The following WASF3 variants were observed in gnomAD, a reference collection of about 807,000 sequenced individuals.
The protein encoded by WASF3 is WASP family member 3, also known as actin-binding protein WASF3.
A neutral mutation model predicts 46.6 loss-of-function variants in WASF3; 11 were observed. That is an observed-to-expected ratio of 0.24 (90% CI 0.15 to 0.39). The LOEUF is 0.39. Ranked by LOEUF, WASF3 falls within the 10% of genes least tolerant of loss-of-function variation. The probability of loss-of-function intolerance (pLI) is 1.00; values close to 1 mark genes in which losing one functional copy is unlikely to be tolerated. For synonymous variants in WASF3, 242 were observed against 259.7 expected (o/e 0.93, Z 0.65); for missense variants, 576 against 669.8 (o/e 0.86, Z 1.55).
chr13:26,576,617 C>T (rs1021628393), intron 1 of WASF3, among the ~76,000 whole-genome samples: 2 of 152,046 alleles, frequency 1.3e-5, no homozygotes, highest in Non-Finnish European at 2.9e-5. Flanking sequence ...TACTTACTAT[C>T]TCAAAAAAGG....
chr13:26,585,731 C>T (rs1032517684), intron 1 of WASF3, among the ~76,000 whole-genome samples: 1 of 152,124 alleles, frequency 6.6e-6, no homozygotes, highest in Non-Finnish European at 1.5e-5. Context: ...CCTAGAAAAA[C>T]CATATAATGG....
At chr13:26,547,099 T>G in the WASF3 span, among the ~76,000 whole-genome samples, 2 of 146,852 alleles carry the variant, frequency 1.4e-5, no homozygotes, top group South Asian at 2.1e-4. Flanking sequence ...TGGTGGTTGG[T>G]TTTTTTTTTT....
At chr13:26,558,109 C>A (rs1440815412) in intron 1 of WASF3, among the ~76,000 whole-genome samples, 1 of 151,876 alleles carries the variant, frequency 6.6e-6, no homozygotes, top group African/African-American at 2.4e-5. Context: ...GGCCTCCGGC[C>A]CTTTGCCGTC....
At chr13:26,647,747 AT>A (rs1882192501) in intron 3 of WASF3, among the ~76,000 whole-genome samples, 1 of 152,126 alleles carries the variant, frequency 6.6e-6, no homozygotes, top group African/African-American at 2.4e-5. Flanking sequence ...GGAGTTAGAA[AT>A]TTAGTGAGCC....
chr13:26,638,242 G>A (rs998775664), intron 2 of WASF3: 1 of 152,178 alleles, frequency 6.6e-6, no homozygotes, highest in Non-Finnish European at 1.5e-5. Flanking sequence ...CATAGTTGAA[G>A]ACAGCAGCCA....
chr13:26,664,926 A>G, intron 3 of WASF3, 102 bp from the exon 4 acceptor site: 2 of 1,276,282 alleles, frequency 1.6e-6, no homozygotes, highest in Non-Finnish European at 2.2e-6. Flanking sequence ...TCGTTTGCAC[A>G]AAATCCCACA....
At chr13:26,684,009 A>G (rs1290872825) in intron 9 of WASF3, among the ~76,000 whole-genome samples, 1 of 152,180 alleles carries the variant, frequency 6.6e-6, no homozygotes, top group African/African-American at 2.4e-5. Flanking sequence ...GAAGTGACCA[A>G]GCAAGGAGCC....
At chr13:26,619,296 A>G (rs1452158720) in intron 2 of WASF3, among the ~76,000 whole-genome samples, 2 of 152,228 alleles carry the variant, frequency 1.3e-5, no homozygotes, top group African/African-American at 4.8e-5. Context: ...AATCAAGGAA[A>G]TGGAGATTGT....
intron 1 of WASF3, chr13:26,577,080 T>G (rs1879821393): frequency 2.6e-6 from 2 of 769,622 alleles, no homozygotes; most frequent in Admixed American, 1.8e-5. Flanking sequence ...TCAAGGGTCA[T>G]GTGTTTGAAG....
chr13:26,670,817 AG>A (rs1882907443), intron 5 of WASF3, among the ~76,000 whole-genome samples: 1 of 152,222 alleles, frequency 6.6e-6, no homozygotes, highest in African/African-American at 2.4e-5. Context: ...CTGGCTCTTC[AG>A]TGATTTTCAG....
the WASF3 span, among the ~76,000 whole-genome samples, chr13:26,540,740 G>T: frequency 6.6e-6 from 1 of 152,096 alleles, no homozygotes; most frequent in Non-Finnish European, 1.5e-5. Flanking sequence ...TTCTTCCTTG[G>T]TTCAGACCCC....
chr13:26,579,266 A>G (rs1879903077), intron 1 of WASF3, among the ~76,000 whole-genome samples: 1 of 151,904 alleles, frequency 6.6e-6, no homozygotes, highest in Non-Finnish European at 1.5e-5. Context: ...GGAGAGAGAA[A>G]CTAGATTAAA....
At chr13:26,617,850 T>G (rs1032789862) in intron 2 of WASF3, among the ~76,000 whole-genome samples, 2 of 152,046 alleles carry the variant, frequency 1.3e-5, no homozygotes, top group Non-Finnish European at 2.9e-5. Flanking sequence ...CCCATGATGT[T>G]CTTGTGATAG....
At chr13:26,571,541 G>C (rs963324018) in intron 1 of WASF3, among the ~76,000 whole-genome samples, 3 of 152,140 alleles carry the variant, frequency 2.0e-5, no homozygotes, top group Non-Finnish European at 4.4e-5. Flanking sequence ...CTGTATATTA[G>C]ATTTCTGTAT....
chr13:26,612,566 C>T (rs902792049), intron 1 of WASF3, among the ~76,000 whole-genome samples: 3 of 152,120 alleles, frequency 2.0e-5, no homozygotes, highest in African/African-American at 7.2e-5. Context: ...GATACAAATG[C>T]TCTTATTAGC....
intron 1 of WASF3, among the ~76,000 whole-genome samples, chr13:26,595,929 A>G (rs1880447646): frequency 6.6e-6 from 1 of 152,228 alleles, no homozygotes; most frequent in African/African-American, 2.4e-5. Flanking sequence ...CTATTTTGCT[A>G]TTATGAGTAA....
At chr13:26,564,723 G>C (rs1202811297) in intron 1 of WASF3, among the ~76,000 whole-genome samples, 3 of 152,136 alleles carry the variant, frequency 2.0e-5, no homozygotes, top group Admixed American at 6.5e-5. Flanking sequence ...GCACGTAGTA[G>C]ATACTCAACA....
chr13:26,622,484 T>C (rs953387792), intron 2 of WASF3: 13 of 152,374 alleles, frequency 8.5e-5, no homozygotes, highest in African/African-American at 3.1e-4. Flanking sequence ...CAGTGTATTC[T>C]ATGCATGAAA....
chr13:26,679,310 A>C lies in WASF3; in HGVS notation c.717-1744A>C, dbSNP rs1883157342. Among the ~76,000 whole-genome samples, 2 of 151,546 alleles carry C rather than the reference A, an allele frequency of 1.3e-5. No homozygotes were observed. Among genetic ancestry groups the C allele is most frequent in the African/African-American group, 4.9e-5 (2 of 41,188 alleles). The stretch of plus-strand genomic sequence containing the variant: ...CCTTTTCTGTGGTCCTTCCCTCTTC[A>C]ACTGACCAGTCCCCTCTTCCCCCAG... On this transcript the variant is annotated intron_variant, in intron 7 of 9. Transcript: ENST00000335327. This position sits in a 1 kb window ranked among gnomAD's most constrained non-coding sequence, Gnocchi z 4.8.
Sources: gnomAD v4.1 joint callset for allele counts (sites outside exome capture counted in the v4.1 genomes callset) on GRCh38, gnomAD v4.1.1 for gene constraint, Gnocchi (gnomAD v3.1) non-coding constraint, MANE v1.5 for transcripts, NCBI Gene and HGNC (gene_info 2026-07-23, HGNC 2026-07-21) for gene names.